Variants in SHISA6 observed in about 807,000 individuals in gnomAD.
SHISA6 encodes protein shisa-6.
SHISA6 carries 22 observed loss-of-function variants against 47.9 expected under a neutral mutation model. The ratio of observed to expected loss-of-function variants is 0.46; its 90% CI spans 0.33 to 0.66. The LOEUF (loss-of-function observed/expected upper bound fraction) is 0.66, where lower values mean the gene tolerates loss of function less well. Ranked by LOEUF, SHISA6 falls within the 30% of genes least tolerant of loss-of-function variation. SHISA6 has a pLI of 0.02. For synonymous variants in SHISA6, 388 were observed against 337.8 expected, an observed-to-expected ratio of 1.15 and a Z score of -1.63; for missense variants, 680 against 764.6, an observed-to-expected ratio of 0.89 and a Z score of 1.30.
At chr17:11,372,953 G>A (rs931234778) in intron 2 of SHISA6, among the ~76,000 whole-genome samples, 1 of 151,840 alleles carries the variant, frequency 6.6e-6, no homozygotes, top group Non-Finnish European at 1.5e-5. Flanking sequence ...TGACCACAGT[G>A]TACTTTTATT....
At chr17:11,524,493 TTTC>T (rs2071658764) in intron 3 of SHISA6, among the ~76,000 whole-genome samples, 1 of 149,376 alleles carries the variant, frequency 6.7e-6, no homozygotes, top group African/African-American at 2.5e-5. Flanking sequence ...TTTTTTCTTT[TTTC>T]TTTTTTCTTT....
At chr17:11,417,610 G>C (rs1418034010) in intron 3 of SHISA6, among the ~76,000 whole-genome samples, 2 of 152,206 alleles carry the variant, frequency 1.3e-5, no homozygotes, top group Admixed American at 6.5e-5. Context: ...TCTGATGCAG[G>C]CTTCTTCTCC....
intron 3 of SHISA6, among the ~76,000 whole-genome samples, chr17:11,504,131 G>C (rs1331223589): frequency 6.6e-6 from 1 of 152,142 alleles, no homozygotes. Flanking sequence ...GAGTCCTTTG[G>C]CCCTCTGCTG....
intron 2 of SHISA6, among the ~76,000 whole-genome samples, chr17:11,277,280 T>TCTCTCTCTCACACA (rs1386997909): frequency 5.1e-3 from 273 of 53,838 alleles, no homozygotes; most frequent in East Asian, 9.0e-3. Context: ...TCTCTCTCTC[T>TCTCTCTCTCACACA]CACACACACA....
At chr17:11,292,057 G>A (rs774376537) in intron 2 of SHISA6, among the ~76,000 whole-genome samples, 5 of 152,058 alleles carry the variant, frequency 3.3e-5, no homozygotes, top group Admixed American at 1.3e-4. Context: ...TCTTAGCAGC[G>A]TTCAAGAACA....
At chr17:11,549,708 G>T (rs1308543940) in intron 3 of SHISA6, among the ~76,000 whole-genome samples, 1 of 152,124 alleles carries the variant, frequency 6.6e-6, no homozygotes, top group Non-Finnish European at 1.5e-5. Context: ...CTTACTGACT[G>T]CCACTCTCCA....
At chr17:11,313,909 A>G (rs763312467) in intron 2 of SHISA6, among the ~76,000 whole-genome samples, 1 of 152,130 alleles carries the variant, frequency 6.6e-6, no homozygotes, top group Non-Finnish European at 1.5e-5. Context: ...TAGGTAGAGA[A>G]TGATGTAATG....
chr17:11,532,172 G>A (rs1298234419), intron 3 of SHISA6, among the ~76,000 whole-genome samples: 9 of 152,250 alleles, frequency 5.9e-5, no homozygotes, highest in Admixed American at 1.3e-4. Context: ...CTTGACCAGC[G>A]CCAGCCGATG....
At chr17:11,504,606 G>T (rs1456797656) in intron 3 of SHISA6, among the ~76,000 whole-genome samples, 2 of 152,106 alleles carry the variant, frequency 1.3e-5, no homozygotes, top group African/African-American at 2.4e-5. Context: ...AAAGAAGTGG[G>T]GGGTATTGCA....
chr17:11,261,081 G>A (rs1451398147), intron 1 of SHISA6, among the ~76,000 whole-genome samples: 1 of 152,052 alleles, frequency 6.6e-6, no homozygotes, highest in Non-Finnish European at 1.5e-5. Context: ...CTGGAGAGAA[G>A]GGGATGGAAG....
chr17:11,330,794 T>C (rs1363555862), intron 2 of SHISA6, among the ~76,000 whole-genome samples: 1 of 101,376 alleles, frequency 9.9e-6, no homozygotes, highest in Non-Finnish European at 2.1e-5. Context: ...TATAGTCAGA[T>C]GAATAAAATT....
At chr17:11,282,311 C>T (rs151242647) in intron 2 of SHISA6, among the ~76,000 whole-genome samples, 15 of 152,026 alleles carry the variant, frequency 9.9e-5, no homozygotes, top group African/African-American at 2.9e-4. Flanking sequence ...GTTCTAGAGG[C>T]GATTCAACAA....
intron 2 of SHISA6, among the ~76,000 whole-genome samples, chr17:11,359,865 G>A (rs1831099847): frequency 6.6e-6 from 1 of 152,228 alleles, no homozygotes; most frequent in Admixed American, 6.5e-5. Flanking sequence ...TACACTGTTG[G>A]TGGGAGTGTA....
chr17:11,499,404 A>C (rs1490259742), intron 3 of SHISA6, among the ~76,000 whole-genome samples: 3 of 151,926 alleles, frequency 2.0e-5, no homozygotes, highest in Admixed American at 1.3e-4. Context: ...GAACCTCACA[A>C]ACACACACAC....
rs139400539 is a variant in SHISA6, at chr17:11,440,773, A to C, written c.895+61264A>C. Among the ~76,000 whole-genome samples, 626 of 152,098 alleles carry C rather than the reference A, an allele frequency of 4.1e-3. 4 individuals are homozygous for C. Among genetic ancestry groups the C allele is most frequent in the African/African-American group, 0.015 (610 of 41,516 alleles). Reference sequence around the variant, plus strand: ...CACAACCTCTGTGACCGCTGCTATCACTGGCCTGCTTCCAACATTCAAATG... The same window carrying C: ...CACAACCTCTGTGACCGCTGCTATCCCTGGCCTGCTTCCAACATTCAAATG... On this transcript the variant is annotated intron_variant, in intron 3 of 5. Transcript: ENST00000441885.
At chr17:11,395,147 C>G (rs1913527163) in intron 3 of SHISA6, among the ~76,000 whole-genome samples, 1 of 151,554 alleles carries the variant, frequency 6.6e-6, no homozygotes, top group African/African-American at 2.4e-5. Flanking sequence ...TTTTTAAACT[C>G]AAGGACATTC....
At chr17:11,541,995 C>T (rs2071838020) in intron 3 of SHISA6, among the ~76,000 whole-genome samples, 1 of 152,086 alleles carries the variant, frequency 6.6e-6, no homozygotes, top group Non-Finnish European at 1.5e-5. Flanking sequence ...TGGAAATTGA[C>T]CAAAGGTATA....
chr17:11,543,242 GTAA>G (rs2071848740), intron 3 of SHISA6, among the ~76,000 whole-genome samples: 2 of 152,100 alleles, frequency 1.3e-5, no homozygotes, highest in Non-Finnish European at 2.9e-5. Context: ...ATTGTTGAGT[GTAA>G]TGTATGTATA....
intron 3 of SHISA6, among the ~76,000 whole-genome samples, chr17:11,544,785 C>T (rs1306025139): frequency 6.6e-6 from 1 of 151,744 alleles, no homozygotes; most frequent in African/African-American, 2.4e-5. Context: ...AGGGTGAAAC[C>T]CCGTCTCTAC....
Sources: gnomAD v4.1 joint callset for allele counts (sites outside exome capture counted in the v4.1 genomes callset) on GRCh38, gnomAD v4.1.1 for gene constraint, MANE v1.5 for transcripts, NCBI Gene and HGNC (gene_info 2026-07-23, HGNC 2026-07-21) for gene names.